SUZ12: variants seen among roughly 807,000 people sequenced by gnomAD.
SUZ12 encodes SUZ12 polycomb repressive complex 2 subunit, also known as polycomb protein SUZ12.
In SUZ12, 17 loss-of-function variants were observed where a neutral mutation model predicts 87.3. The ratio of observed to expected loss-of-function variants is 0.19; its 90% confidence interval spans 0.13 to 0.29. The LOEUF is 0.29. SUZ12 is among the 10% of genes least tolerant of loss of function. The pLI, the probability that SUZ12 is intolerant of heterozygous loss-of-function variation, is 1.00. For missense variants in SUZ12, 526 were observed against 912.2 expected, an observed-to-expected ratio of 0.58 and a Z score of 5.45; for synonymous variants, 253 against 312.4, an observed-to-expected ratio of 0.81 and a Z score of 2.01.
rs966225788 is a variant in SUZ12 at position 31,999,890 on chromosome 17, T to G, written c.*887T>G. 1.7e-5 allele frequency: 4 copies of G among 232,670 alleles called. No homozygotes were observed. The highest frequency in any genetic ancestry group is 3.4e-5 in the Non-Finnish European group (4 of 117,806). The allele number at this position is 232,670 out of a possible 1,614,324, so 14.4% of individuals were successfully genotyped here. ...ATTTGAGATTTTAAGATGTCACTTA[T>G]AAGGGGAGAAGTGTTCTTAAAAAGT... On this transcript the variant is annotated 3_prime_UTR_variant, in exon 16 of 16. Coordinates refer to ENST00000322652, the MANE Select transcript of SUZ12 (RefSeq NM_015355.4).
chr17:31,942,781 A>G (rs1906385366), intron 3 of SUZ12, among the ~76,000 whole-genome samples: 1 of 152,216 alleles, frequency 6.6e-6, no homozygotes, highest in African/African-American at 2.4e-5. Context: ...AACATTTAGT[A>G]CTTAACCATA....
At chr17:31,937,584 T>G (rs1425790385) in intron 1 of SUZ12, 64 bp downstream of exon 1, 2 of 1,521,136 alleles carry the variant, frequency 1.3e-6, no homozygotes, top group African/African-American at 2.8e-5. Context: ...GATGGGACAC[T>G]CTGCTGGGCC....
intron 4 of SUZ12, among the ~76,000 whole-genome samples, chr17:31,948,325 G>A (rs929393724): frequency 3.3e-5 from 5 of 151,942 alleles, no homozygotes; most frequent in Admixed American, 1.3e-4. Flanking sequence ...TTTTTGACAC[G>A]TAAACTTTAT....
intron 4 of SUZ12, among the ~76,000 whole-genome samples, chr17:31,948,895 A>G (rs1287108115): frequency 1.3e-5 from 2 of 152,220 alleles, no homozygotes; most frequent in Admixed American, 1.3e-4. Context: ...TTTCTTTACT[A>G]GAATTTATAT....
intron 4 of SUZ12, among the ~76,000 whole-genome samples, chr17:31,963,612 C>CT (rs1332818696): frequency 6.6e-6 from 1 of 150,938 alleles, no homozygotes; most frequent in Non-Finnish European, 1.5e-5. Flanking sequence ...TTCCTCTGAC[C>CT]TTTGAGTTCA....
intron 11 of SUZ12, 147 bp from the exon 12 acceptor site, chr17:31,993,718 C>A: frequency 2.4e-6 from 2 of 833,348 alleles, no homozygotes; most frequent in African/African-American, 1.7e-5. Flanking sequence ...AGTGACCTCG[C>A]GTCACTGGGC....
intron 4 of SUZ12, among the ~76,000 whole-genome samples, chr17:31,956,764 A>G (rs1010453254): frequency 5.9e-5 from 9 of 151,600 alleles, no homozygotes; most frequent in Non-Finnish European, 1.3e-4. Flanking sequence ...GTGTGTGTAT[A>G]TATATGTATA....
chr17:31,966,268 C>T (rs1908082161), intron 5 of SUZ12, 72 bp downstream of exon 5: 1 of 1,224,236 alleles, frequency 8.2e-7, no homozygotes, highest in Admixed American at 2.5e-5. Flanking sequence ...AAAAGTGGGG[C>T]TTCTGAGTGT....
At chr17:31,942,324 T>G (rs72821971) in intron 3 of SUZ12, among the ~76,000 whole-genome samples, 15,089 of 152,042 alleles carry the variant, frequency 0.099, 1,028 homozygotes, top group Middle Eastern at 0.15. Flanking sequence ...ATCTTTGGTT[T>G]TTTTTTTGTT....
chr17:31,988,594 CTTCT>C, intron 10 of SUZ12, 97 bp downstream of exon 10: 1 of 1,202,066 alleles, frequency 8.3e-7, no homozygotes, highest in South Asian at 1.8e-5. Flanking sequence ...TTATGTGATT[CTTCT>C]TTTTTTTTTT....
intron 5 of SUZ12, among the ~76,000 whole-genome samples, chr17:31,970,075 A>T (rs1908324521): frequency 6.6e-6 from 1 of 152,150 alleles, no homozygotes. Context: ...GAGCCACTGC[A>T]TCCGGCCTCT....
intron 8 of SUZ12, among the ~76,000 whole-genome samples, chr17:31,982,076 T>G (rs993260385): frequency 2.0e-5 from 3 of 152,174 alleles, no homozygotes; most frequent in African/African-American, 7.2e-5. Flanking sequence ...ATGGAAAAAA[T>G]AAGTTATACA....
chr17:31,996,787 C>T lies in SUZ12; in HGVS notation c.1795-11C>T. 6.5e-7 allele frequency: 1 copy of T among 1,531,680 alleles called. No individual in the cohort carries two copies. 94.9% of individuals were successfully genotyped at this position (1,531,680 alleles called of 1,614,324 possible). A position where few individuals can be genotyped will look rare whatever the true frequency, so the allele number is the denominator to read the frequency against. On this transcript the variant is annotated splice_polypyrimidine_tract_variant and intron_variant, in intron 14 of 15. Coordinates refer to ENST00000322652, the MANE Select transcript of SUZ12 (RefSeq NM_015355.4). The stretch of plus-strand genomic sequence containing the variant: ...ATGTGTTTAATAGGTGTTTTTCTTT[C>T]TTTTTCCCAGCAAATTGAAGAGTTT...
At chr17:31,973,608 G>A (rs1908568930) in intron 6 of SUZ12, among the ~76,000 whole-genome samples, 1 of 152,172 alleles carries the variant, frequency 6.6e-6, no homozygotes, top group Non-Finnish European at 1.5e-5. Context: ...ATTATCCTTT[G>A]TAACACTGCT....
intron 4 of SUZ12, among the ~76,000 whole-genome samples, chr17:31,961,768 A>G (rs1237956349): frequency 1.3e-5 from 2 of 152,190 alleles, no homozygotes; most frequent in African/African-American, 4.8e-5. Context: ...ACTGATTTAA[A>G]ATATTCTCTG....
chr17:31,983,170 T>C, intron 9 of SUZ12, 66 bp downstream of exon 9: 5 of 1,495,296 alleles, frequency 3.3e-6, no homozygotes, highest in Non-Finnish European at 4.6e-6. Context: ...TGATGTTTTC[T>C]TCCCCAAATG....
intron 12 of SUZ12, chr17:31,994,274 C>G (rs527256): frequency 0.13 from 56,662 of 444,156 alleles, 4,268 homozygotes; most frequent in Middle Eastern, 0.2. Flanking sequence ...TGTAGTGTCT[C>G]TAATTGACTC....
chr17:31,942,212 AG>A (rs1191833691), intron 3 of SUZ12, among the ~76,000 whole-genome samples: 3 of 152,146 alleles, frequency 2.0e-5, no homozygotes, highest in African/African-American at 7.2e-5. Context: ...TAAAGGGCTC[AG>A]GGTAACTATA....
Position 31,937,447 on chromosome 17 carries a change from G to A in SUZ12, c.201G>A (p.Ala67=), listed in dbSNP as rs1906005548. ...SSSAAAAAGA[A]VLPVKKPKME... Reference sequence around the variant, plus strand: ...CCGCGGCGGCAGCGGCGGGGGCTGCGGTGTTACCGGTGAAGAAGCCGAAAA... The same window carrying A: ...CCGCGGCGGCAGCGGCGGGGGCTGCAGTGTTACCGGTGAAGAAGCCGAAAA... The change falls in exon 1 of 16, where the codon GCG becomes GCA. Residue 67 remains alanine (A), a synonymous_variant. Transcript: ENST00000322652. The A allele has an allele frequency of 1.9e-6, 3 of 1,541,054 alleles. No individual in the cohort carries two copies. Among genetic ancestry groups the A allele is most frequent in the Admixed American group, 2.0e-5 (1 of 50,708 alleles).
Sources: allele counts gnomAD v4.1 joint callset (sites outside exome capture counted in the v4.1 genomes callset), GRCh38; gene constraint gnomAD v4.1.1; transcripts MANE v1.5; gene names NCBI Gene and HGNC (gene_info 2026-07-23, HGNC 2026-07-21).